SRPK2: variants seen among roughly 807,000 people sequenced by gnomAD.
SRPK2 encodes the protein SFRS protein kinase 2.
Under a neutral mutation model 90.8 loss-of-function variants are expected in SRPK2, and 21 were observed. That is an observed-to-expected ratio of 0.23 (90% CI 0.16 to 0.33). The LOEUF is 0.33. Among genes scored for constraint, SRPK2 ranks in the 10% least tolerant of loss-of-function variants. SRPK2 has a pLI of 1.00. For missense variants in SRPK2, 620 were observed against 869.0 expected, an observed-to-expected ratio of 0.71 and a Z score of 3.60; for synonymous variants, 288 against 311.1, an observed-to-expected ratio of 0.93 and a Z score of 0.78.
At chr7:105,247,553 CACACACACAG>C in intron 2 of SRPK2, among the ~76,000 whole-genome samples, 1 of 151,592 alleles carries the variant, frequency 6.6e-6, no homozygotes, top group East Asian at 2.0e-4. Context: ...CACACACACA[CACACACACAG>C]AAGTTATACC....
chr7:105,356,519 A>T (rs1156693751), intron 2 of SRPK2, among the ~76,000 whole-genome samples: 2 of 152,224 alleles, frequency 1.3e-5, no homozygotes, highest in African/African-American at 4.8e-5. Flanking sequence ...CCCAATACAC[A>T]ATAAATACTT....
chr7:105,128,027 T>C (rs1456476909), intron 13 of SRPK2, among the ~76,000 whole-genome samples: 1 of 152,174 alleles, frequency 6.6e-6, no homozygotes. Flanking sequence ...TACCTTCTTT[T>C]TCTTTCAATG....
intron 2 of SRPK2, among the ~76,000 whole-genome samples, chr7:105,247,452 G>T (rs1451526310): frequency 6.6e-6 from 1 of 151,296 alleles, no homozygotes; most frequent in African/African-American, 2.4e-5. Flanking sequence ...CATCACTGAT[G>T]ATCAAAGTGC....
chr7:105,247,728 A>C (rs201371346), intron 2 of SRPK2, among the ~76,000 whole-genome samples: 5 of 147,614 alleles, frequency 3.4e-5, no homozygotes, highest in Non-Finnish European at 7.5e-5. Flanking sequence ...TTTAAAAAAA[A>C]GTTTTTTATT....
chr7:105,301,036 T>C (rs1207659180), intron 2 of SRPK2, among the ~76,000 whole-genome samples: 1 of 152,202 alleles, frequency 6.6e-6, no homozygotes, highest in Non-Finnish European at 1.5e-5. Context: ...CAAAGGATTA[T>C]AAATCATGCC....
At chr7:105,187,169 C>T (rs1410004117) in intron 3 of SRPK2, among the ~76,000 whole-genome samples, 1 of 152,296 alleles carries the variant, frequency 6.6e-6, no homozygotes, top group East Asian at 1.9e-4. Flanking sequence ...CTTTATTCTG[C>T]TCACCACAAC....
intron 2 of SRPK2, among the ~76,000 whole-genome samples, chr7:105,264,724 C>G (rs1327335475): frequency 6.6e-6 from 1 of 152,146 alleles, no homozygotes; most frequent in Non-Finnish European, 1.5e-5. Context: ...AAAATGCAAA[C>G]CTATATAGCA....
intron 2 of SRPK2, among the ~76,000 whole-genome samples, chr7:105,264,742 G>A (rs958953570): frequency 6.6e-6 from 1 of 152,060 alleles, no homozygotes; most frequent in African/African-American, 2.4e-5. Context: ...GCACTGTTGT[G>A]AGTTGTTAAT....
At chr7:105,278,448 T>G (rs1431589063) in intron 2 of SRPK2, among the ~76,000 whole-genome samples, 2 of 144,798 alleles carry the variant, frequency 1.4e-5, no homozygotes, top group Non-Finnish European at 1.5e-5. Flanking sequence ...CCAAGGCTGG[T>G]GGATGACCTG....
chr7:105,326,904 A>C (rs1028431142), intron 2 of SRPK2, among the ~76,000 whole-genome samples: 2 of 152,094 alleles, frequency 1.3e-5, no homozygotes, highest in African/African-American at 4.8e-5. Flanking sequence ...TCTACTAAAA[A>C]TACAAAAAAT....
chr7:105,238,288 G>C (rs994627858), intron 2 of SRPK2, among the ~76,000 whole-genome samples: 5 of 152,110 alleles, frequency 3.3e-5, no homozygotes, highest in African/African-American at 1.2e-4. Flanking sequence ...TCATCCCTTG[G>C]GTGAGAAAAG....
chr7:105,127,196 T>C, intron 13 of SRPK2, 134 bp from the exon 14 acceptor site: 1 of 695,548 alleles, frequency 1.4e-6, no homozygotes, highest in Non-Finnish European at 2.4e-6. Context: ...AAGTGCTCAA[T>C]ACTAATTTTT....
At position 105,388,845 on chromosome 7, in the gene SRPK2, G is replaced by A; in HGVS notation, c.-39C>T. 7.6e-7 allele frequency: 1 copy of A among 1,315,336 alleles called. No homozygotes were observed. 81.5% of individuals were successfully genotyped at this position (1,315,336 alleles called of 1,614,324 possible). A position where few individuals can be genotyped will look rare whatever the true frequency, so the allele number is the denominator to read the frequency against. On this transcript the variant is annotated 5_prime_UTR_variant, in exon 1 of 16. Transcript: ENST00000393651. ...AAGCGGGGCGGGGGGCTTCGCGACG[G>A]CGACGCGGGCGCCGAGACGAGCTGG...
At chr7:105,208,142 A>G (rs988525998) in intron 2 of SRPK2, among the ~76,000 whole-genome samples, 1 of 152,244 alleles carries the variant, frequency 6.6e-6, no homozygotes, top group African/African-American at 2.4e-5. Context: ...AAGTCAGATA[A>G]TAAGTTTAAG....
intron 3 of SRPK2, among the ~76,000 whole-genome samples, chr7:105,176,613 A>ATATGTGTGTGTG (rs1791921073): frequency 5.3e-5 from 1 of 18,790 alleles, no homozygotes; most frequent in African/African-American, 2.3e-4. Flanking sequence ...GTGTGTGTAT[A>ATATGTGTGTGTG]CGTGTGTGTA....
At chr7:105,128,416 C>T (rs1801514411) in intron 13 of SRPK2, among the ~76,000 whole-genome samples, 1 of 152,108 alleles carries the variant, frequency 6.6e-6, no homozygotes, top group South Asian at 2.1e-4. Flanking sequence ...CTCTCCTTTC[C>T]ACCCAATAAA....
At chr7:105,203,587 TG>T (rs1159271334) in intron 3 of SRPK2, 40 bp downstream of exon 3, 1 of 1,454,196 alleles carries the variant, frequency 6.9e-7, no homozygotes, top group African/African-American at 1.5e-5. Context: ...CACAGCCCAA[TG>T]GGGAAGGCAA....
At chr7:105,340,833 A>G (rs939223571) in intron 2 of SRPK2, among the ~76,000 whole-genome samples, 2 of 152,194 alleles carry the variant, frequency 1.3e-5, no homozygotes, top group African/African-American at 4.8e-5. Context: ...TTTCAAGAGA[A>G]TCAGAATTTC....
At chr7:105,262,147 AACAG>A (rs775415445) in intron 2 of SRPK2, among the ~76,000 whole-genome samples, 2 of 152,200 alleles carry the variant, frequency 1.3e-5, no homozygotes, top group African/African-American at 2.4e-5. Context: ...AGCATCAGTA[AACAG>A]ACAGAATCAA....
Sources: gnomAD v4.1 joint callset for allele counts (sites outside exome capture counted in the v4.1 genomes callset) on GRCh38, gnomAD v4.1.1 for gene constraint, MANE v1.5 for transcripts, NCBI Gene and HGNC (gene_info 2026-07-23, HGNC 2026-07-21) for gene names.